Variants in TRPM3 observed in about 807,000 individuals in gnomAD.
The protein encoded by TRPM3 is long transient receptor potential channel 3.
TRPM3 carries 77 observed loss-of-function variants against 181.2 expected under a neutral mutation model. The ratio of observed to expected loss-of-function variants is 0.42; its 90% CI spans 0.35 to 0.51. The LOEUF (loss-of-function observed/expected upper bound fraction) is 0.51. Ranked by LOEUF, TRPM3 falls within the 20% of genes least tolerant of loss-of-function variation. The probability of loss-of-function intolerance (pLI) is 0.01; values close to 1 mark genes in which losing one functional copy is unlikely to be tolerated. For missense variants in TRPM3, 1,759 were observed against 2,196.7 expected (o/e 0.80, Z 3.98); for synonymous variants, 745 against 796.4 (o/e 0.94, Z 1.09).
At chr9:70,956,160 T>C (rs1434767557) in intron 1 of TRPM3, among the ~76,000 whole-genome samples, 1 of 152,124 alleles carries the variant, frequency 6.6e-6, no homozygotes, top group African/African-American at 2.4e-5. Context: ...ATTAAGGAAT[T>C]GGGCATGTTG....
intron 9 of TRPM3, among the ~76,000 whole-genome samples, chr9:70,651,084 A>G (rs1305663406): frequency 6.6e-6 from 1 of 152,198 alleles, no homozygotes; most frequent in Non-Finnish European, 1.5e-5. Context: ...GAAGATCTGC[A>G]GTATAGAAAA....
At chr9:70,653,700 A>C (rs75466306) in intron 9 of TRPM3, among the ~76,000 whole-genome samples, 6 of 145,812 alleles carry the variant, frequency 4.1e-5, no homozygotes, top group Non-Finnish European at 9.1e-5. Context: ...AAAAAAAAAA[A>C]CAAACCAAAC....
chr9:71,066,045 T>C (rs903916912), intron 1 of TRPM3, among the ~76,000 whole-genome samples: 5 of 152,114 alleles, frequency 3.3e-5, no homozygotes, highest in African/African-American at 4.8e-5. Context: ...GAATGAGGCA[T>C]TGTTTATGTA....
intron 1 of TRPM3, among the ~76,000 whole-genome samples, chr9:71,293,775 C>CCTTAATAT (rs1470651677): frequency 6.6e-6 from 1 of 151,868 alleles, no homozygotes; most frequent in East Asian, 1.9e-4. Context: ...GAAAATATAT[C>CCTTAATAT]CCTACCAGTT....
At chr9:71,187,408 C>G (rs774235875) in intron 1 of TRPM3, among the ~76,000 whole-genome samples, 3 of 151,892 alleles carry the variant, frequency 2.0e-5, no homozygotes, top group Non-Finnish European at 2.9e-5. Context: ...CCTGGGTGCT[C>G]AGCTCTAAGC....
At chr9:71,223,084 A>C (rs946552304) in intron 1 of TRPM3, among the ~76,000 whole-genome samples, 1 of 152,134 alleles carries the variant, frequency 6.6e-6, no homozygotes. Context: ...GACATCAGCC[A>C]GGGTAGCTAA....
intron 1 of TRPM3, among the ~76,000 whole-genome samples, chr9:71,332,376 G>GGGGTGTGTGTGTGT (rs566139399): frequency 5.6e-5 from 8 of 142,248 alleles, no homozygotes; most frequent in African/African-American, 2.1e-4. Context: ...TTCAATGTTG[G>GGGGTGTGTGTGTGT]GTGTGTGTGT....
intron 1 of TRPM3, among the ~76,000 whole-genome samples, chr9:70,884,292 A>G (rs2096050853): frequency 1.3e-5 from 2 of 152,254 alleles, no homozygotes; most frequent in Admixed American, 1.3e-4. Flanking sequence ...ATAGCTACAC[A>G]GAAAGAAGAA....
At chr9:70,951,410 C>T (rs564908193) in intron 1 of TRPM3, among the ~76,000 whole-genome samples, 4 of 152,200 alleles carry the variant, frequency 2.6e-5, no homozygotes, top group Non-Finnish European at 4.4e-5. Flanking sequence ...GGTGCAATCT[C>T]GGCTCACTGC....
chr9:71,086,730 G>A (rs1434130549), intron 1 of TRPM3, among the ~76,000 whole-genome samples: 1 of 151,976 alleles, frequency 6.6e-6, no homozygotes, highest in African/African-American at 2.4e-5. Context: ...CCTAAGGAAA[G>A]AATCTAATCT....
At chr9:71,446,546 C>G in intron 1 of TRPM3, 2 of 1,190,540 alleles carry the variant, frequency 1.7e-6, no homozygotes, top group Non-Finnish European at 2.3e-6. Context: ...CACAAGTTCC[C>G]TGGCTCTCAC....
At chr9:71,381,965 T>C (rs1050163743) in intron 1 of TRPM3, among the ~76,000 whole-genome samples, 8 of 152,074 alleles carry the variant, frequency 5.3e-5, no homozygotes, top group African/African-American at 1.9e-4. Context: ...CTATCAAACT[T>C]GGGAGAGGGG....
chr9:71,237,003 C>T (rs2081385142), intron 1 of TRPM3, among the ~76,000 whole-genome samples: 2 of 134,006 alleles, frequency 1.5e-5, no homozygotes, highest in African/African-American at 3.0e-5. Context: ...GCCGAAATCG[C>T]ACCACTGTAC....
intron 1 of TRPM3, among the ~76,000 whole-genome samples, chr9:70,976,701 G>A (rs572302163): frequency 2.1e-4 from 32 of 152,290 alleles, no homozygotes; most frequent in Non-Finnish European, 4.0e-4. Context: ...GTGCAATCTC[G>A]GGCAGGGTTA....
intron 9 of TRPM3, among the ~76,000 whole-genome samples, chr9:70,678,548 G>A (rs909385291): frequency 1.1e-4 from 16 of 152,182 alleles, no homozygotes; most frequent in Non-Finnish European, 2.2e-4. Context: ...CAGAAACAAG[G>A]AGCAGCAAAG....
At chr9:70,859,943 A>T (rs1310169009) in intron 3 of TRPM3, among the ~76,000 whole-genome samples, 1 of 152,100 alleles carries the variant, frequency 6.6e-6, no homozygotes, top group East Asian at 1.9e-4. Context: ...GGTGTCCTGG[A>T]CCCACCCTCC....
chr9:70,926,498 A>C (rs1436302454), intron 1 of TRPM3, among the ~76,000 whole-genome samples: 1 of 152,200 alleles, frequency 6.6e-6, no homozygotes, highest in Non-Finnish European at 1.5e-5. Flanking sequence ...TTGGCATTTG[A>C]AAAAGAGGAA....
chr9:70,951,481 A>G (rs536795938), intron 1 of TRPM3, among the ~76,000 whole-genome samples: 63 of 152,140 alleles, frequency 4.1e-4, no homozygotes, highest in Non-Finnish European at 7.8e-4. Context: ...AGCTGGGACT[A>G]CAGGCATGCA....
chr9:71,052,606 T>C (rs1301359392), intron 1 of TRPM3, among the ~76,000 whole-genome samples: 2 of 152,138 alleles, frequency 1.3e-5, no homozygotes, highest in African/African-American at 4.8e-5. Flanking sequence ...CTTATAATCA[T>C]TTTTAACAAT....
Sources: allele counts gnomAD v4.1 joint callset (sites outside exome capture counted in the v4.1 genomes callset), GRCh38; gene constraint gnomAD v4.1.1; transcripts MANE v1.5; gene names NCBI Gene and HGNC (gene_info 2026-07-23, HGNC 2026-07-21).